The following PXDNL variants were observed in gnomAD, a reference collection of about 807,000 sequenced individuals.
PXDNL encodes the protein peroxidasin like, also known as probable oxidoreductase PXDNL.
PXDNL carries 145 observed loss-of-function variants against 150.8 expected under a neutral mutation model. That is an observed-to-expected ratio of 0.96 (90% CI 0.84 to 1.10). PXDNL has a LOEUF of 1.10. Ranked by LOEUF, PXDNL falls within the 50% of genes least tolerant of loss-of-function variation. PXDNL has a pLI of 0.00. For synonymous variants in PXDNL, 757 were observed against 725.7 expected (o/e 1.04, Z -0.69); for missense variants, 2,087 against 1,873.9 (o/e 1.11, Z -2.10).
chr8:51,541,530 G>T (rs10095375), intron 4 of PXDNL, among the ~76,000 whole-genome samples: 21,799 of 152,076 alleles, frequency 0.14, 1,740 homozygotes, highest in East Asian at 0.28. Flanking sequence ...ATTTTTACTG[G>T]TTCTTTTCTA....
intron 5 of PXDNL, 45 bp downstream of exon 5, chr8:51,499,654 A>G (rs745667445): frequency 1.4e-6 from 2 of 1,466,758 alleles, no homozygotes; most frequent in South Asian, 2.3e-5. Flanking sequence ...TATAAATGGA[A>G]AATGTAAAGC....
chr8:51,700,896 T>A (rs1163168069), intron 1 of PXDNL, among the ~76,000 whole-genome samples: 1 of 151,386 alleles, frequency 6.6e-6, no homozygotes. Flanking sequence ...ATACACAATA[T>A]ACTCCTATAC....
chr8:51,747,537 A>G (rs2036998376), intron 1 of PXDNL, among the ~76,000 whole-genome samples: 1 of 152,248 alleles, frequency 6.6e-6, no homozygotes, highest in African/African-American at 2.4e-5. Context: ...GATTAAGAAG[A>G]AACTCATTTT....
chr8:51,511,037 G>A (rs917894411), intron 4 of PXDNL, among the ~76,000 whole-genome samples: 3 of 152,222 alleles, frequency 2.0e-5, no homozygotes, highest in South Asian at 2.1e-4. Context: ...ATGAGGCAGC[G>A]GGTCTCATGT....
At chr8:51,558,537 C>T (rs897108262) in intron 3 of PXDNL, among the ~76,000 whole-genome samples, 8 of 151,876 alleles carry the variant, frequency 5.3e-5, no homozygotes, top group Admixed American at 2.6e-4. Flanking sequence ...TTATTATTAT[C>T]GTCAATTTTA....
At chr8:51,635,241 G>A (rs910276581) in intron 2 of PXDNL, among the ~76,000 whole-genome samples, 3 of 152,078 alleles carry the variant, frequency 2.0e-5, no homozygotes, top group African/African-American at 7.2e-5. Context: ...TGCTGAGAGA[G>A]AAATTTATAA....
chr8:51,591,341 A>G (rs1162878412), intron 3 of PXDNL, among the ~76,000 whole-genome samples: 1 of 152,208 alleles, frequency 6.6e-6, no homozygotes, highest in African/African-American at 2.4e-5. Context: ...TGACTAAACT[A>G]AGAGGAAACT....
At chr8:51,471,435 T>C (rs905709416) in intron 8 of PXDNL, among the ~76,000 whole-genome samples, 3 of 152,240 alleles carry the variant, frequency 2.0e-5, no homozygotes, top group African/African-American at 7.2e-5. Context: ...ACTAGCCATT[T>C]AAATAATTTT....
intron 1 of PXDNL, among the ~76,000 whole-genome samples, chr8:51,738,561 GCA>G (rs144015105): frequency 5.0e-4 from 74 of 149,438 alleles, no homozygotes; most frequent in African/African-American, 1.3e-3. Flanking sequence ...GGAAACACAC[GCA>G]CACACACACA....
chr8:51,556,975 A>C, intron 3 of PXDNL, 64 bp from the exon 4 acceptor site: 1 of 904,458 alleles, frequency 1.1e-6, no homozygotes, highest in Admixed American at 2.0e-5. Context: ...TCTTAGATAC[A>C]AACTTTTTAA....
At chr8:51,699,923 A>G (rs1001567955) in intron 1 of PXDNL, among the ~76,000 whole-genome samples, 4 of 152,194 alleles carry the variant, frequency 2.6e-5, no homozygotes, top group African/African-American at 9.6e-5. Flanking sequence ...AACAACTACA[A>G]TAGCCGCATC....
At chr8:51,421,622 C>G (rs1808955880) in intron 14 of PXDNL, among the ~76,000 whole-genome samples, 1 of 152,216 alleles carries the variant, frequency 6.6e-6, no homozygotes, top group East Asian at 1.9e-4. Context: ...TTGCTTGAAC[C>G]CGAGAGTCGG....
At chr8:51,632,984 G>T (rs1362352330) in intron 2 of PXDNL, among the ~76,000 whole-genome samples, 1 of 151,994 alleles carries the variant, frequency 6.6e-6, no homozygotes, top group African/African-American at 2.4e-5. Flanking sequence ...GAGTATAAAT[G>T]ATCCTGTCAT....
chr8:51,631,150 G>A (rs182503022), intron 2 of PXDNL, among the ~76,000 whole-genome samples: 1 of 152,160 alleles, frequency 6.6e-6, no homozygotes, highest in Non-Finnish European at 1.5e-5. Context: ...TGGAGTTGGA[G>A]GACATTATCC....
intron 3 of PXDNL, among the ~76,000 whole-genome samples, chr8:51,563,248 C>G (rs922355003): frequency 7.9e-5 from 12 of 152,018 alleles, no homozygotes; most frequent in Non-Finnish European, 1.5e-4. Flanking sequence ...CTAGAGGCTG[C>G]AAAGTCCAAG....
intron 1 of PXDNL, among the ~76,000 whole-genome samples, chr8:51,661,130 A>G (rs1376512442): frequency 6.6e-6 from 1 of 152,062 alleles, no homozygotes; most frequent in Non-Finnish European, 1.5e-5. Flanking sequence ...TTGGAAATAC[A>G]TTTTCCAGGC....
chr8:51,439,278 A>G (rs1156535576), intron 12 of PXDNL, among the ~76,000 whole-genome samples: 1 of 152,178 alleles, frequency 6.6e-6, no homozygotes, highest in Non-Finnish European at 1.5e-5. Context: ...TGAATAGACA[A>G]TTCTCAAAAG....
chr8:51,393,929 T>C (rs1807990976), intron 17 of PXDNL, among the ~76,000 whole-genome samples: 1 of 152,246 alleles, frequency 6.6e-6, no homozygotes. Context: ...ATCTGTCTTT[T>C]TTTAAGGCAT....
intron 21 of PXDNL, among the ~76,000 whole-genome samples, chr8:51,327,605 C>A (rs78098311): frequency 0.032 from 4,804 of 152,252 alleles, 243 homozygotes; most frequent in African/African-American, 0.11. Flanking sequence ...ACTTAAGATG[C>A]ATCTCCAAAT....
Sources: allele counts gnomAD v4.1 joint callset (sites outside exome capture counted in the v4.1 genomes callset), GRCh38; gene constraint gnomAD v4.1.1; transcripts MANE v1.5; gene names NCBI Gene and HGNC (gene_info 2026-07-23, HGNC 2026-07-21).